The following PCDH11Y variants were observed in gnomAD, a reference collection of about 807,000 sequenced individuals.
PCDH11Y encodes protocadherin 11 Y-linked.
For missense variants in PCDH11Y, 12 were observed against 224.8 expected, an observed-to-expected ratio of 0.05 and a Z score of 6.05; for synonymous variants, 9 against 83.6, an observed-to-expected ratio of 0.11 and a Z score of 4.87.
At chrY:5,293,319 G>T in intron 2 of PCDH11Y, among the ~76,000 whole-genome samples, 1 of 31,227 alleles carries the variant, frequency 3.2e-5, no homozygotes, top group Admixed American at 3.0e-4. Context: ...TAGTAGAGAC[G>T]GGGTTTTACC....
intron 2 of PCDH11Y, among the ~76,000 whole-genome samples, chrY:5,400,487 C>T (rs2053231920): frequency 3.3e-4 from 11 of 33,575 alleles, no homozygotes. Flanking sequence ...TTTATCACGC[C>T]TACGTAATTT....
At chrY:5,720,621 T>A in intron 4 of PCDH11Y, among the ~76,000 whole-genome samples, 1 of 31,848 alleles carries the variant, frequency 3.1e-5, no homozygotes, top group African/African-American at 1.2e-4. Flanking sequence ...GGGTATATAC[T>A]CAAAAGTAGT....
intron 2 of PCDH11Y, among the ~76,000 whole-genome samples, chrY:5,284,059 T>C: frequency 3.1e-5 from 1 of 32,623 alleles, no homozygotes; most frequent in African/African-American, 1.2e-4. Context: ...TTTTCAATTG[T>C]AACAGTTGTA....
At chrY:5,209,289 C>T in intron 2 of PCDH11Y, among the ~76,000 whole-genome samples, 1 of 33,218 alleles carries the variant, frequency 3.0e-5, no homozygotes, top group Non-Finnish European at 7.4e-5. Flanking sequence ...TATAAGTTCT[C>T]AGGAGAGCCC....
At chrY:5,015,857 G>A in intron 1 of PCDH11Y, among the ~76,000 whole-genome samples, 2 of 31,737 alleles carry the variant, frequency 6.3e-5, no homozygotes, top group African/African-American at 2.5e-4. Flanking sequence ...ATAGGGGCGG[G>A]TTTTTCTATG....
chrY:5,413,463 T>A, intron 2 of PCDH11Y, among the ~76,000 whole-genome samples: 5 of 33,698 alleles, frequency 1.5e-4, no homozygotes, highest in African/African-American at 2.3e-4. Flanking sequence ...ACAGGTCCTG[T>A]TAAGAATTCC....
At chrY:5,229,102 T>C (rs2052964342) in intron 2 of PCDH11Y, among the ~76,000 whole-genome samples, 1 of 31,488 alleles carries the variant, frequency 3.2e-5, no homozygotes, top group Non-Finnish European at 7.6e-5. Flanking sequence ...ATCCAGGTGC[T>C]CCAGTGTACA....
At chrY:5,429,191 A>G in intron 2 of PCDH11Y, among the ~76,000 whole-genome samples, 1 of 33,542 alleles carries the variant, frequency 3.0e-5, no homozygotes, top group Admixed American at 2.7e-4. Flanking sequence ...GAGAATCTTC[A>G]TCAATGTCCC....
At chrY:5,388,780 A>G in intron 2 of PCDH11Y, among the ~76,000 whole-genome samples, 1 of 34,103 alleles carries the variant, frequency 2.9e-5, no homozygotes, top group South Asian at 6.5e-4. Context: ...TTACAGTTAA[A>G]AAAATGAAAT....
intron 4 of PCDH11Y, among the ~76,000 whole-genome samples, chrY:5,676,546 C>G: frequency 3.1e-5 from 1 of 32,051 alleles, no homozygotes; most frequent in Non-Finnish European, 7.6e-5. Context: ...GCTCTGCTTC[C>G]TCTTAATGCT....
intron 2 of PCDH11Y, among the ~76,000 whole-genome samples, chrY:5,351,440 CTTTG>C (rs2053159143): frequency 6.8e-5 from 2 of 29,578 alleles, no homozygotes; most frequent in Non-Finnish European, 1.6e-4. Context: ...TATTTCTTAC[CTTTG>C]TTTGAAATAT....
At chrY:5,643,184 G>A in intron 4 of PCDH11Y, among the ~76,000 whole-genome samples, 5 of 31,552 alleles carry the variant, frequency 1.6e-4, no homozygotes, top group Non-Finnish European at 3.1e-4. Context: ...TTCTTTCTGA[G>A]ATTAGAATTT....
At chrY:5,256,508 A>T (rs2053011478) in intron 2 of PCDH11Y, among the ~76,000 whole-genome samples, 2 of 33,208 alleles carry the variant, frequency 6.0e-5, no homozygotes, top group African/African-American at 1.2e-4. Flanking sequence ...TTTTCTCAAG[A>T]TAGCTTTGTT....
intron 1 of PCDH11Y, among the ~76,000 whole-genome samples, chrY:5,029,458 T>A: frequency 4.8e-4 from 15 of 31,511 alleles, no homozygotes; most frequent in African/African-American, 1.9e-3. Context: ...ATTTAAAATT[T>A]ATTTACTCAA....
chrY:5,312,772 A>G, intron 2 of PCDH11Y, among the ~76,000 whole-genome samples: 2 of 30,022 alleles, frequency 6.7e-5, no homozygotes, highest in East Asian at 1.7e-3. Context: ...TGTAATCATT[A>G]TAAAAATTGC....
intron 4 of PCDH11Y, among the ~76,000 whole-genome samples, chrY:5,729,212 A>C: frequency 3.0e-5 from 1 of 33,527 alleles, no homozygotes; most frequent in Non-Finnish European, 7.4e-5. Flanking sequence ...CTCTCCACAA[A>C]GGCTGAATTA....
At chrY:5,351,885 A>AATACTCATTATT (rs2053159663) in intron 2 of PCDH11Y, among the ~76,000 whole-genome samples, 1 of 30,319 alleles carries the variant, frequency 3.3e-5, no homozygotes, top group Non-Finnish European at 7.8e-5. Context: ...AGATGTTAAT[A>AATACTCATTATT]ATGAGTGCTT....
At chrY:5,133,705 A>T in intron 2 of PCDH11Y, among the ~76,000 whole-genome samples, 19 of 32,036 alleles carry the variant, frequency 5.9e-4, no homozygotes, top group African/African-American at 2.3e-3. Context: ...CCACCCTTCC[A>T]GCCTCTGGTA....
intron 2 of PCDH11Y, among the ~76,000 whole-genome samples, chrY:5,303,137 G>A: frequency 9.2e-5 from 3 of 32,462 alleles, no homozygotes; most frequent in African/African-American, 3.6e-4. Flanking sequence ...GTTATAAAAA[G>A]GAGCAGCAAC....
Sources: gnomAD v4.1 joint callset for allele counts (sites outside exome capture counted in the v4.1 genomes callset) on GRCh38, gnomAD v4.1.1 for gene constraint, MANE v1.5 for transcripts, NCBI Gene and HGNC (gene_info 2026-07-23, HGNC 2026-07-21) for gene names.